RANBP2: variants seen among roughly 807,000 people sequenced by gnomAD.
RANBP2 encodes E3 SUMO-protein ligase RanBP2.
Under a neutral mutation model 303.6 loss-of-function variants are expected in RANBP2, and 57 were observed. That is an observed-to-expected ratio of 0.19 (90% CI 0.15 to 0.23). RANBP2 has a LOEUF of 0.23. Ranked by LOEUF, RANBP2 falls within the 10% of genes least tolerant of loss-of-function variation. The pLI is 1.00. For missense variants in RANBP2, 3,138 were observed against 3,780.8 expected, an observed-to-expected ratio of 0.83 and a Z score of 4.46; for synonymous variants, 1,167 against 1,301.5, an observed-to-expected ratio of 0.90 and a Z score of 2.23.
At chr2:109,395,272 G>A in the RANBP2 span, among the ~76,000 whole-genome samples, 1 of 152,278 alleles carries the variant, frequency 6.6e-6, no homozygotes, top group African/African-American at 2.4e-5. Context: ...GCCTGTTGAG[G>A]CCCTTCGGGT....
chr2:109,528,012 G>A, the RANBP2 span, among the ~76,000 whole-genome samples: 11 of 152,230 alleles, frequency 7.2e-5, no homozygotes, highest in African/African-American at 2.7e-4. Context: ...TCTGTGGGCT[G>A]TGCCCATGAG....
At chr2:109,062,984 A>T in the RANBP2 span, among the ~76,000 whole-genome samples, 3 of 152,164 alleles carry the variant, frequency 2.0e-5, no homozygotes, top group Non-Finnish European at 4.4e-5. Flanking sequence ...CAGAAGAGCC[A>T]GGGCCTACGG....
chr2:109,564,194 CAAG>C, the RANBP2 span: 8 of 523,090 alleles, frequency 1.5e-5, no homozygotes, highest in East Asian at 1.7e-4. Context: ...TCTTCAAAAG[CAAG>C]AAGGAGTCAA....
At chr2:109,369,882 T>C in the RANBP2 span, among the ~76,000 whole-genome samples, 1 of 152,226 alleles carries the variant, frequency 6.6e-6, no homozygotes, top group Non-Finnish European at 1.5e-5. Context: ...AAGAGGCCTG[T>C]AAGTCCCGAA....
At chr2:109,685,053 T>C in the RANBP2 span, among the ~76,000 whole-genome samples, 1 of 146,636 alleles carries the variant, frequency 6.8e-6, no homozygotes, top group African/African-American at 2.5e-5. Flanking sequence ...TTTGTATTTT[T>C]GTAGAGACAG....
At position 108,753,863 on chromosome 2, in the gene RANBP2, C is replaced by T. The variant is rs752924240; in HGVS notation, c.2094C>T (p.Ala698=). 2 of 1,611,864 alleles carry T rather than the reference C, an allele frequency of 1.2e-6. No homozygotes were observed. Among genetic ancestry groups the T allele is most frequent in the Admixed American group, 3.3e-5 (2 of 59,996 alleles). The change falls in exon 15 of 29, where the codon GCC becomes GCT. Residue 698 remains alanine, a synonymous_variant. Transcript: ENST00000283195. ...HRKAEDIEND[A]LSPEEQEECK... is the part of the protein sequence containing the mutation. ...AGGCAGAAGACATTGAAAATGATGC[C>T]CTTTCTCCTGAAGAACAAGAAGAAT...
the RANBP2 span, among the ~76,000 whole-genome samples, chr2:109,311,821 T>C: frequency 6.6e-6 from 1 of 152,014 alleles, no homozygotes; most frequent in African/African-American, 2.4e-5. Context: ...TTTACTAAAA[T>C]GGTGGTTTGT....
chr2:109,662,710 C>T, the RANBP2 span, among the ~76,000 whole-genome samples: 1 of 152,166 alleles, frequency 6.6e-6, no homozygotes, highest in Non-Finnish European at 1.5e-5. Flanking sequence ...CATGCCCGGC[C>T]TCACCCTCTA....
chr2:108,980,791 C>G, the RANBP2 span, among the ~76,000 whole-genome samples: 1 of 152,142 alleles, frequency 6.6e-6, no homozygotes, highest in African/African-American at 2.4e-5. Flanking sequence ...AGAGTGGGGT[C>G]ACGGTGTCAC....
At chr2:109,200,671 C>T in the RANBP2 span, among the ~76,000 whole-genome samples, 5 of 152,258 alleles carry the variant, frequency 3.3e-5, no homozygotes, top group Non-Finnish European at 7.4e-5. Context: ...CTGGAGGCCT[C>T]TTTTCTCCTG....
At chr2:108,884,872 C>T in the RANBP2 span, 1 of 151,310 alleles carries the variant, frequency 6.6e-6, no homozygotes, top group African/African-American at 2.4e-5. Flanking sequence ...GCCACACACC[C>T]TCGTTGAAAC....
the RANBP2 span, among the ~76,000 whole-genome samples, chr2:108,946,839 T>G: frequency 9.9e-5 from 15 of 152,074 alleles, no homozygotes; most frequent in African/African-American, 3.6e-4. Context: ...GAGATGAGAT[T>G]TGGGTGGGGA....
chr2:109,126,849 G>A, the RANBP2 span, among the ~76,000 whole-genome samples: 5 of 152,172 alleles, frequency 3.3e-5, no homozygotes, highest in African/African-American at 4.8e-5. Context: ...AGGGCATGTC[G>A]TCACAGGCCG....
the RANBP2 span, among the ~76,000 whole-genome samples, chr2:109,675,028 G>T: frequency 3.9e-5 from 6 of 152,054 alleles, no homozygotes; most frequent in Admixed American, 3.3e-4. Flanking sequence ...GGAGTGCAAT[G>T]GTGCAATCAT....
chr2:109,557,626 T>G, the RANBP2 span, among the ~76,000 whole-genome samples: 1 of 152,190 alleles, frequency 6.6e-6, no homozygotes, highest in Admixed American at 6.5e-5. Context: ...TTCCAACTTC[T>G]GACAATGTAA....
chr2:109,688,424 G>A, the RANBP2 span, among the ~76,000 whole-genome samples: 13 of 152,246 alleles, frequency 8.5e-5, no homozygotes, highest in East Asian at 2.3e-3. Flanking sequence ...CCCCTGACAT[G>A]GGCAGCCTCC....
the RANBP2 span, among the ~76,000 whole-genome samples, chr2:109,314,168 C>T: frequency 3.9e-5 from 6 of 152,084 alleles, no homozygotes; most frequent in Non-Finnish European, 8.8e-5. Context: ...TGGTCTGTGT[C>T]CCGGGAGACC....
At chr2:109,620,804 G>A in the RANBP2 span, among the ~76,000 whole-genome samples, 1 of 152,160 alleles carries the variant, frequency 6.6e-6, no homozygotes, top group Non-Finnish European at 1.5e-5. Context: ...AGTACTGTCA[G>A]GTATACAAAT....
At chr2:109,146,296 G>A in the RANBP2 span, among the ~76,000 whole-genome samples, 148 of 152,298 alleles carry the variant, frequency 9.7e-4, no homozygotes, top group African/African-American at 3.4e-3. Context: ...TCCCTGAAAT[G>A]TTACTGGGAC....
Sources: gnomAD v4.1 joint callset for allele counts (sites outside exome capture counted in the v4.1 genomes callset) on GRCh38, gnomAD v4.1.1 for gene constraint, MANE v1.5 for transcripts, NCBI Gene and HGNC (gene_info 2026-07-23, HGNC 2026-07-21) for gene names.